PCDHA11: variants seen among roughly 807,000 people sequenced by gnomAD.
PCDHA11 encodes protocadherin alpha 11, also known as protocadherin alpha-11.
PCDHA11 carries 61 observed loss-of-function variants against 70.3 expected under a neutral mutation model. The ratio of observed to expected loss-of-function variants is 0.87; its 90% CI spans 0.71 to 1.07. PCDHA11 has a LOEUF of 1.07. Among genes scored for constraint, PCDHA11 ranks in the 50% least tolerant of loss-of-function variants. The pLI, the probability that PCDHA11 is intolerant of heterozygous loss-of-function variation, is 0.00. For synonymous variants in PCDHA11, 633 were observed against 555.1 expected (o/e 1.14, Z -1.97); for missense variants, 1,324 against 1,237.5 (o/e 1.07, Z -1.05).
intron 1 of PCDHA11, chr5:140,876,192 G>C: frequency 6.2e-7 from 1 of 1,613,850 alleles, no homozygotes; most frequent in Non-Finnish European, 8.5e-7. Flanking sequence ...ACAATGGTCC[G>C]GCGTTTGATA....
Position 140,967,283 on chromosome 5 carries a change from C to G in PCDHA11, c.2392-11666C>G, listed in dbSNP as rs782468433. The G allele has an allele frequency of 1.7e-5, 27 of 1,613,040 alleles. No homozygotes were observed. The Admixed American group carries it at 3.7e-4, about 22-fold the overall frequency. ...AGCGCGCTTTCACATAGAGAGTGCG[C>G]AGGACCCCGACGTGGGCGCCAACTC... On this transcript the variant is annotated intron_variant, in intron 1 of 3. Transcript: ENST00000398640.
intron 1 of PCDHA11, among the ~76,000 whole-genome samples, chr5:140,880,574 AGAGAG>A (rs2058389036): frequency 1.3e-5 from 2 of 152,226 alleles, no homozygotes; most frequent in African/African-American, 4.8e-5. Flanking sequence ...GAATTTGAGA[AGAGAG>A]GAAAGAGAAT....
chr5:140,928,795 G>T, intron 1 of PCDHA11: 1 of 1,614,152 alleles, frequency 6.2e-7, no homozygotes, highest in South Asian at 1.1e-5. Flanking sequence ...GCAGAGGGTG[G>T]TGGTAGTGGT....
chr5:140,903,713 A>G (rs1391210068), intron 1 of PCDHA11, among the ~76,000 whole-genome samples: 1 of 152,206 alleles, frequency 6.6e-6, no homozygotes, highest in Non-Finnish European at 1.5e-5. Flanking sequence ...TAAAATATAC[A>G]ATTCTCCCTA....
rs1562655563 is a variant in PCDHA11 at position 140,871,026 on chromosome 5, G to C, written c.1923G>C (p.Ser641=). The C allele has an allele frequency of 1.2e-6, 2 of 1,613,220 alleles. No individual in the cohort carries two copies. The highest frequency in any genetic ancestry group is 8.5e-7 in the Non-Finnish European group (1 of 1,179,858). The change falls in exon 1 of 4, where the codon TCG becomes TCC. Residue 641 remains serine, a synonymous_variant. Coordinates refer to ENST00000398640, the MANE Select transcript of PCDHA11 (RefSeq NM_018902.5). ...CGCGTGCCCTGGACGAGGCAGACTC[G>C]CCGCGCCACCGACTTCTAGTACTGG... ...STTRALDEAD[S]PRHRLLVLVK...
At chr5:140,882,141 A>G in intron 1 of PCDHA11, 3 of 1,491,636 alleles carry the variant, frequency 2.0e-6, no homozygotes, top group South Asian at 1.4e-5. Flanking sequence ...CAGAAAATAT[A>G]GCAGAAAGCG....
At chr5:140,886,680 G>T (rs1554182653) in intron 1 of PCDHA11, among the ~76,000 whole-genome samples, 1 of 151,946 alleles carries the variant, frequency 6.6e-6, no homozygotes, top group Non-Finnish European at 1.5e-5. Context: ...ACAAAAATTA[G>T]CGAGGCATGG....
At chr5:140,875,878 A>T in intron 1 of PCDHA11, 1 of 1,614,212 alleles carries the variant, frequency 6.2e-7, no homozygotes, top group Non-Finnish European at 8.5e-7. Flanking sequence ...GTTCAGAGAA[A>T]GGGAACAAAA....
chr5:140,966,740 C>T lies in PCDHA11; in HGVS notation c.2392-12209C>T, dbSNP rs782420339. 10 of 1,422,580 alleles carry T rather than the reference C, an allele frequency of 7.0e-6. No individual in the cohort carries two copies. In the Admixed American group the frequency reaches 8.4e-5, roughly 12 times the overall value. 88.1% of individuals were successfully genotyped at this position (1,422,580 alleles called of 1,614,324 possible). ...GGAAGCTGCCGCCTCCGGCCCTGCC[C>T]GGCTGCCTCCGCCGCGGCCAGTGGC... On this transcript the variant is annotated intron_variant, in intron 1 of 3. Transcript: ENST00000398640.
At chr5:141,006,169 A>G (rs553035949) in intron 3 of PCDHA11, among the ~76,000 whole-genome samples, 4 of 149,840 alleles carry the variant, frequency 2.7e-5, no homozygotes, top group Non-Finnish European at 5.9e-5. Flanking sequence ...TCTGATTTAT[A>G]TTTTTAAAAG....
intron 3 of PCDHA11, chr5:140,988,797 AT>A (rs1481469131): frequency 2.0e-5 from 3 of 152,116 alleles, no homozygotes; most frequent in African/African-American, 7.2e-5. Context: ...TAATAGAAGA[AT>A]TTCTTCCGTA....
rs140322145 is a variant in PCDHA11, at chr5:140,968,725, T to C, written c.2392-10224T>C. ...CCAGGAAGATGGGAGATGAGAGTGG[T>C]AGCACTTTCAACCTGACCGTGGTGG... On this transcript the variant is annotated intron_variant, in intron 1 of 3. Coordinates refer to ENST00000398640, the MANE Select transcript of PCDHA11 (RefSeq NM_018902.5). 3.1e-6 allele frequency: 5 copies of C among 1,613,932 alleles called. No individual in the cohort carries two copies. In the African/African-American group the frequency reaches 6.7e-5, roughly 22 times the overall value.
intron 1 of PCDHA11, among the ~76,000 whole-genome samples, chr5:140,956,087 C>T (rs2095255787): frequency 6.6e-6 from 1 of 152,178 alleles, no homozygotes; most frequent in Admixed American, 6.5e-5. Context: ...ATCATGTCAT[C>T]TGCAAACAAA....
At chr5:140,875,754 G>A (rs369339386) in intron 1 of PCDHA11, 2 of 1,614,254 alleles carry the variant, frequency 1.2e-6, no homozygotes, top group African/African-American at 2.7e-5. Flanking sequence ...ACCGCGAGAA[G>A]CTGTGCGGGC....
At chr5:140,888,870 A>G (rs2062015576) in intron 1 of PCDHA11, among the ~76,000 whole-genome samples, 1 of 152,158 alleles carries the variant, frequency 6.6e-6, no homozygotes, top group Non-Finnish European at 1.5e-5. Flanking sequence ...ATGTCTCAAC[A>G]TAAAAATTAA....
intron 1 of PCDHA11, among the ~76,000 whole-genome samples, chr5:140,889,562 T>C (rs2062274153): frequency 6.6e-6 from 1 of 152,224 alleles, no homozygotes; most frequent in Non-Finnish European, 1.5e-5. Flanking sequence ...TTCAGAATTC[T>C]GCTTTCTGAT....
chr5:140,930,321 T>C (rs1166503889), intron 1 of PCDHA11: 7 of 152,186 alleles, frequency 4.6e-5, no homozygotes, highest in Non-Finnish European at 1.0e-4. Flanking sequence ...TTGAGAGTAA[T>C]GTATCTAATG....
At chr5:140,997,472 C>CACA (rs1386540010) in intron 3 of PCDHA11, among the ~76,000 whole-genome samples, 12 of 152,120 alleles carry the variant, frequency 7.9e-5, no homozygotes, top group Non-Finnish European at 1.8e-4. Context: ...GCAATTTTTA[C>CACA]ACAATGATAA....
chr5:140,960,053 G>A (rs2095524432), intron 1 of PCDHA11, among the ~76,000 whole-genome samples: 3 of 152,156 alleles, frequency 2.0e-5, no homozygotes, highest in Non-Finnish European at 4.4e-5. Flanking sequence ...TTAAAAACAT[G>A]TACAGAAGAT....
Sources: gnomAD v4.1 joint callset for allele counts (sites outside exome capture counted in the v4.1 genomes callset) on GRCh38, gnomAD v4.1.1 for gene constraint, MANE v1.5 for transcripts, NCBI Gene and HGNC (gene_info 2026-07-23, HGNC 2026-07-21) for gene names.